The following PISD variants were observed in gnomAD, a reference collection of about 807,000 sequenced individuals.
The protein encoded by PISD is phosphatidylserine decarboxylase, also known as phosphatidylserine decarboxylase proenzyme, mitochondrial.
A neutral mutation model predicts 43.5 loss-of-function variants in PISD; 31 were observed. That is an observed-to-expected ratio of 0.71 (90% CI 0.54 to 0.96). The LOEUF is 0.96. Ranked by LOEUF, PISD falls within the 40% of genes least tolerant of loss-of-function variation. The pLI, the probability that PISD is intolerant of heterozygous loss-of-function variation, is 0.00. For synonymous variants in PISD, 259 were observed against 228.7 expected (o/e 1.13, Z -1.20); for missense variants, 523 against 548.4 (o/e 0.95, Z 0.46).
intron 3 of PISD, among the ~76,000 whole-genome samples, chr22:31,628,546 A>G (rs2073028969): frequency 6.6e-6 from 1 of 152,220 alleles, no homozygotes; most frequent in Non-Finnish European, 1.5e-5. Flanking sequence ...ATGTCACTAC[A>G]TGGCCTAAGG....
At chr22:31,657,384 C>T (rs2147816950) in intron 1 of PISD, among the ~76,000 whole-genome samples, 1 of 152,322 alleles carries the variant, frequency 6.6e-6, no homozygotes, top group Middle Eastern at 3.4e-3. Context: ...ATCCACCCGC[C>T]TCAGCCTCCC....
intron 2 of PISD, 54 bp from the exon 3 acceptor site, chr22:31,648,330 T>C: frequency 6.8e-7 from 1 of 1,476,588 alleles, no homozygotes; most frequent in Non-Finnish European, 9.2e-7. Context: ...TAGGGAAGAG[T>C]CATGCAAACA....
chr22:31,628,142 C>T (rs988104973), intron 3 of PISD: 38 of 985,672 alleles, frequency 3.9e-5, no homozygotes, highest in East Asian at 1.1e-4. Context: ...CCCAGAAGAT[C>T]GCCAGGGAGG....
At chr22:31,650,063 G>A (rs2073990603) in intron 2 of PISD, among the ~76,000 whole-genome samples, 1 of 152,218 alleles carries the variant, frequency 6.6e-6, no homozygotes, top group Non-Finnish European at 1.5e-5. Context: ...AAGCAACCCA[G>A]TTTGTGTTGC....
Position 31,621,648 on chromosome 22 carries a change from C to G in PISD, c.558+1G>C. The G allele has an allele frequency of 6.2e-7, 1 of 1,612,162 alleles. No homozygotes were observed. The highest frequency in any genetic ancestry group is 1.7e-5 in the Admixed American group (1 of 60,006). Reference sequence around the variant, plus strand: ...TGCAGGAGGAAAGGGTCAGGCCTCACCACGCTGTGCAGGCCACAGACAGGC... The same window carrying G: ...TGCAGGAGGAAAGGGTCAGGCCTCAGCACGCTGTGCAGGCCACAGACAGGC... On this transcript the variant is annotated splice_donor_variant, in intron 4 of 7. Coordinates refer to ENST00000439502, the MANE Select transcript of PISD (RefSeq NM_001326411.2). LOFTEE classifies it high-confidence loss of function.
At chr22:31,623,039 A>G (rs940162858) in intron 3 of PISD, among the ~76,000 whole-genome samples, 1 of 152,208 alleles carries the variant, frequency 6.6e-6, no homozygotes, top group African/African-American at 2.4e-5. Context: ...CACAGGTGGG[A>G]GCCTGGGCTA....
chr22:31,661,386 C>T (rs996135959), intron 1 of PISD, among the ~76,000 whole-genome samples: 1 of 143,350 alleles, frequency 7.0e-6, no homozygotes, highest in Non-Finnish European at 1.5e-5. Flanking sequence ...GACTCTGAAT[C>T]ACAGCTACAT....
intron 1 of PISD, among the ~76,000 whole-genome samples, chr22:31,657,630 C>T (rs551989969): frequency 6.6e-6 from 1 of 152,184 alleles, no homozygotes; most frequent in South Asian, 2.1e-4. Flanking sequence ...TCAAGGAATT[C>T]TCCTACCTCA....
intron 3 of PISD, chr22:31,638,685 C>T: frequency 1.1e-6 from 1 of 937,668 alleles, no homozygotes. Flanking sequence ...CATGGTTTTG[C>T]TATGTTGCCC....
At chr22:31,629,332 ATG>A (rs2147680360) in intron 3 of PISD, 1 of 477,120 alleles carries the variant, frequency 2.1e-6, no homozygotes, top group Admixed American at 6.5e-5. Context: ...AGGTGCGAGG[ATG>A]TGTGGGGTGT....
chr22:31,633,306 TGA>T (rs1464334558), intron 3 of PISD, among the ~76,000 whole-genome samples: 1 of 152,242 alleles, frequency 6.6e-6, no homozygotes, highest in Non-Finnish European at 1.5e-5. Flanking sequence ...TCCCATGTGC[TGA>T]GAGATCTCTG....
chr22:31,623,671 T>A, intron 3 of PISD: 1 of 1,610,214 alleles, frequency 6.2e-7, no homozygotes, highest in East Asian at 2.2e-5. Flanking sequence ...CACAGGGGCC[T>A]GTGCACACTT....
At chr22:31,644,863 G>A (rs1243553248) in intron 3 of PISD, among the ~76,000 whole-genome samples, 1 of 152,136 alleles carries the variant, frequency 6.6e-6, no homozygotes, top group Non-Finnish European at 1.5e-5. Context: ...GGTGGCTCAC[G>A]CCTGTAATCC....
chr22:31,632,004 T>C (rs62237846), intron 3 of PISD, among the ~76,000 whole-genome samples: 8,398 of 152,230 alleles, frequency 0.055, 210 homozygotes, highest in Non-Finnish European at 0.065. Context: ...CTCAGGAGTT[T>C]GAGACCAGCC....
upstream of PISD, chr22:31,662,386 G>A (rs1160070656): frequency 1.4e-5 from 9 of 630,570 alleles, no homozygotes; most frequent in African/African-American, 7.3e-5. Context: ...CGGAGGTAGG[G>A]GAACTAGTGG....
chr22:31,636,229 G>C (rs1305150489), intron 3 of PISD, among the ~76,000 whole-genome samples: 1 of 152,198 alleles, frequency 6.6e-6, no homozygotes, highest in Non-Finnish European at 1.5e-5. Flanking sequence ...TGGTAGACCA[G>C]ACAGGCTGAT....
At chr22:31,652,215 T>A (rs2074045950) in intron 1 of PISD, among the ~76,000 whole-genome samples, 1 of 152,028 alleles carries the variant, frequency 6.6e-6, no homozygotes, top group African/African-American at 2.4e-5. Flanking sequence ...CACTGCAACC[T>A]CCACCTCCCG....
intron 3 of PISD, chr22:31,626,146 AC>A: frequency 1.2e-6 from 1 of 848,386 alleles, no homozygotes; most frequent in Non-Finnish European, 1.6e-6. Context: ...TGTCCCTGCT[AC>A]CCAGGGCTGA....
chr22:31,656,036 G>A (rs1171376494), intron 1 of PISD, among the ~76,000 whole-genome samples: 1 of 150,172 alleles, frequency 6.7e-6, no homozygotes, highest in Admixed American at 6.7e-5. Flanking sequence ...GCTCACGCCT[G>A]TAATCTCAGC....
Sources: gnomAD v4.1 joint callset for allele counts (sites outside exome capture counted in the v4.1 genomes callset) on GRCh38, gnomAD v4.1.1 for gene constraint, MANE v1.5 for transcripts, NCBI Gene and HGNC (gene_info 2026-07-23, HGNC 2026-07-21) for gene names.